The following SORCS2 variants were observed in gnomAD, a reference collection of about 807,000 sequenced individuals.
SORCS2 encodes sortilin related VPS10 domain containing receptor 2.
Under a neutral mutation model 141.6 loss-of-function variants are expected in SORCS2, and 100 were observed. The observed-to-expected ratio is 0.71, with a 90% CI of 0.60 to 0.83. The LOEUF (loss-of-function observed/expected upper bound fraction) is 0.83, where lower values mean the gene tolerates loss of function less well. Among genes scored for constraint, SORCS2 ranks in the 40% least tolerant of loss-of-function variants. The pLI is 0.00. For missense variants in SORCS2, 1,646 were observed against 1,560.2 expected (o/e 1.05, Z -0.93); for synonymous variants, 789 against 676.9 (o/e 1.17, Z -2.57).
chr4:7,380,415 A>T (rs1055972184), intron 1 of SORCS2, among the ~76,000 whole-genome samples: 1 of 152,218 alleles, frequency 6.6e-6, no homozygotes, highest in Non-Finnish European at 1.5e-5. Context: ...GCTCCCCGTC[A>T]CCGGACTCCT....
chr4:7,573,814 G>A (rs1384037682), intron 3 of SORCS2, among the ~76,000 whole-genome samples: 1 of 152,128 alleles, frequency 6.6e-6, no homozygotes, highest in African/African-American at 2.4e-5. Flanking sequence ...AGTGGACCCT[G>A]TGGCTTCAGT....
chr4:7,391,493 A>C (rs1204903673), intron 1 of SORCS2, among the ~76,000 whole-genome samples: 1 of 151,728 alleles, frequency 6.6e-6, no homozygotes, highest in Non-Finnish European at 1.5e-5. Context: ...TGTGTGGTGG[A>C]GGTGGGGCCG....
intron 1 of SORCS2, among the ~76,000 whole-genome samples, chr4:7,382,593 C>T (rs1406290477): frequency 6.6e-6 from 1 of 152,162 alleles, no homozygotes; most frequent in African/African-American, 2.4e-5. Context: ...TGCTGACATG[C>T]CTGTATGTTT....
chr4:7,703,271 C>T lies in SORCS2; in HGVS notation c.1669-9C>T, dbSNP rs1215920109. On this transcript the variant is annotated splice_polypyrimidine_tract_variant and intron_variant, in intron 12 of 26. Coordinates refer to ENST00000507866, the MANE Select transcript of SORCS2 (RefSeq NM_020777.3). Reference sequence around the variant, plus strand: ...GCCCTGCCCTCAGCCACACCACTCTCCTCTGCAGGTGTTTGAGGAAGAGCA... The same window carrying T: ...GCCCTGCCCTCAGCCACACCACTCTTCTCTGCAGGTGTTTGAGGAAGAGCA... 1.2e-6 allele frequency: 2 copies of T among 1,608,576 alleles called. No homozygotes were observed. Among genetic ancestry groups the T allele is most frequent in the South Asian group, 1.1e-5 (1 of 89,692 alleles).
intron 11 of SORCS2, among the ~76,000 whole-genome samples, chr4:7,690,661 G>A: frequency 6.6e-6 from 1 of 152,006 alleles, no homozygotes; most frequent in East Asian, 1.9e-4. Context: ...ATGGATAGAT[G>A]GTGAATGGAT....
intron 1 of SORCS2, 148 bp from the exon 2 acceptor site, chr4:7,396,140 G>A (rs1289007789): frequency 1.5e-6 from 1 of 646,366 alleles, no homozygotes; most frequent in Non-Finnish European, 2.7e-6. Context: ...GTGGCCCAGA[G>A]CCTCTCAGGG....
intron 9 of SORCS2, among the ~76,000 whole-genome samples, chr4:7,676,891 C>CCT (rs1364977041): frequency 9.3e-5 from 3 of 32,324 alleles, no homozygotes; most frequent in African/African-American, 2.3e-4. Flanking sequence ...CTGAAGTTGG[C>CCT]CTCTCTCTCT....
intron 1 of SORCS2, among the ~76,000 whole-genome samples, chr4:7,255,880 C>T (rs186634345): frequency 2.8e-3 from 87 of 31,248 alleles, no homozygotes; most frequent in Middle Eastern, 0.012. Context: ...GGCCCCGGGG[C>T]TGGAGCGTGG....
chr4:7,570,405 G>A (rs1715309538), intron 3 of SORCS2, among the ~76,000 whole-genome samples: 1 of 152,240 alleles, frequency 6.6e-6, no homozygotes, highest in Admixed American at 6.5e-5. Flanking sequence ...CTGCTTCCGG[G>A]TGGGCCCTGT....
intron 3 of SORCS2, among the ~76,000 whole-genome samples, chr4:7,614,768 C>G (rs560552789): frequency 6.6e-6 from 1 of 151,506 alleles, no homozygotes; most frequent in East Asian, 2.0e-4. Context: ...TACACCCATT[C>G]ACCATCATTC....
At chr4:7,281,212 G>T (rs1346404874) in intron 1 of SORCS2, among the ~76,000 whole-genome samples, 1 of 151,896 alleles carries the variant, frequency 6.6e-6, no homozygotes, top group Non-Finnish European at 1.5e-5. Context: ...CAGAGCATGG[G>T]GTCACTCTTG....
At chr4:7,645,934 G>T (rs1721045846) in intron 4 of SORCS2, among the ~76,000 whole-genome samples, 1 of 152,318 alleles carries the variant, frequency 6.6e-6, no homozygotes, top group East Asian at 1.9e-4. Flanking sequence ...CGTGGTGAGT[G>T]GTTGCTACAG....
intron 3 of SORCS2, among the ~76,000 whole-genome samples, chr4:7,563,720 T>C (rs1714763596): frequency 6.6e-6 from 1 of 152,210 alleles, no homozygotes; most frequent in Non-Finnish European, 1.5e-5. Context: ...AGGTTCCAGA[T>C]TGCACAGATG....
At position 7,717,322 on chromosome 4, in the gene SORCS2, G is replaced by A. The variant is rs573344777; in HGVS notation, c.2253-690G>A. Among the ~76,000 whole-genome samples, 3 of 152,326 alleles carry A rather than the reference G, an allele frequency of 2.0e-5. No individual in the cohort carries two copies. The East Asian group carries it at 5.8e-4, about 29-fold the overall frequency. ...GGTCCAGGTCCCCAGGGATGCCCCA[G>A]CCAGCGCCATCACAGCTGTGGTTTC... On this transcript the variant is annotated intron_variant, in intron 17 of 26. Coordinates refer to ENST00000507866, the MANE Select transcript of SORCS2 (RefSeq NM_020777.3).
At chr4:7,480,689 T>C (rs1012594320) in intron 2 of SORCS2, among the ~76,000 whole-genome samples, 3 of 152,144 alleles carry the variant, frequency 2.0e-5, no homozygotes, top group African/African-American at 7.2e-5. Context: ...ATGTGTGATA[T>C]TGCGGTGGTT....
At chr4:7,389,742 G>A (rs1577487642) in intron 1 of SORCS2, among the ~76,000 whole-genome samples, 1 of 152,170 alleles carries the variant, frequency 6.6e-6, no homozygotes, top group Admixed American at 6.5e-5. Flanking sequence ...GGAGAGCATA[G>A]CGATCCAAGT....
chr4:7,728,363 C>T lies in SORCS2; in HGVS notation c.2883C>T (p.Val961=). The change falls in exon 22 of 27, where the codon GTC becomes GTT. Residue 961 remains valine, a synonymous_variant. Transcript: ENST00000507866. ...RVLRVLDQFQ[V]MPLQFSKELD... ...GCGTCTTTCCAGATCAATTTCAAGT[C>T]ATGCCTCTGCAGTTTTCCAAGGAGC... is the stretch of plus-strand genomic sequence containing the variant. 6.2e-7 allele frequency: 1 copy of T among 1,613,430 alleles called. No individual in the cohort carries two copies.
intron 2 of SORCS2, among the ~76,000 whole-genome samples, chr4:7,462,792 C>A (rs1263072204): frequency 6.6e-6 from 1 of 151,006 alleles, no homozygotes; most frequent in East Asian, 1.9e-4. Context: ...GAATGAATAA[C>A]AACAGCATGT....
intron 2 of SORCS2, chr4:7,460,000 G>T (rs183094436): frequency 6.4e-4 from 99 of 154,954 alleles, no homozygotes; most frequent in Middle Eastern, 2.1e-3. Context: ...AGAGCCCAGT[G>T]GCCCTGAGCA....
Sources: allele counts gnomAD v4.1 joint callset (sites outside exome capture counted in the v4.1 genomes callset), GRCh38; gene constraint gnomAD v4.1.1; transcripts MANE v1.5; gene names NCBI Gene and HGNC (gene_info 2026-07-23, HGNC 2026-07-21).